DENND1B: variants seen among roughly 807,000 people sequenced by gnomAD.
The protein encoded by DENND1B is DENN domain-containing protein 1B.
Under a neutral mutation model 90.1 loss-of-function variants are expected in DENND1B, and 59 were observed. That is an observed-to-expected ratio of 0.65 (90% CI 0.53 to 0.81). DENND1B has a LOEUF of 0.81. DENND1B is among the 40% of genes least tolerant of loss of function. The pLI, the probability that DENND1B is intolerant of heterozygous loss-of-function variation, is 0.00. For missense variants in DENND1B, 862 were observed against 912.6 expected, an observed-to-expected ratio of 0.94 and a Z score of 0.71; for synonymous variants, 337 against 324.6, an observed-to-expected ratio of 1.04 and a Z score of -0.41.
chr1:197,569,117 T>C (rs1157948207), intron 15 of DENND1B, among the ~76,000 whole-genome samples: 16 of 151,420 alleles, frequency 1.1e-4, no homozygotes, highest in Admixed American at 1.1e-3. Context: ...ATGGGCAAAA[T>C]ATTTGGAAAA....
intron 2 of DENND1B, among the ~76,000 whole-genome samples, chr1:197,745,010 A>G (rs1264010710): frequency 6.6e-6 from 1 of 152,148 alleles, no homozygotes; most frequent in Non-Finnish European, 1.5e-5. Flanking sequence ...CTGCTTCCAC[A>G]TCTCTCTCAG....
chr1:197,750,319 T>A (rs138404470), intron 2 of DENND1B, among the ~76,000 whole-genome samples: 1 of 151,840 alleles, frequency 6.6e-6, no homozygotes, highest in East Asian at 1.9e-4. Context: ...TACAATGTAA[T>A]CCTTAGAGCT....
At chr1:197,627,754 T>C (rs991491331) in intron 10 of DENND1B, among the ~76,000 whole-genome samples, 9 of 152,264 alleles carry the variant, frequency 5.9e-5, no homozygotes, top group African/African-American at 1.4e-4. Context: ...TGTTTGCAGA[T>C]GACATTATTG....
At chr1:197,517,192 TAA>T (rs1668460653) in intron 20 of DENND1B, among the ~76,000 whole-genome samples, 1 of 151,876 alleles carries the variant, frequency 6.6e-6, no homozygotes, top group Non-Finnish European at 1.5e-5. Context: ...GTTTGTGGAT[TAA>T]AGAGATGCTA....
intron 2 of DENND1B, among the ~76,000 whole-genome samples, chr1:197,727,025 T>G (rs1439300652): frequency 6.6e-6 from 1 of 152,252 alleles, no homozygotes; most frequent in Non-Finnish European, 1.5e-5. Context: ...ATTAAATATG[T>G]TGTTTTATTG....
intron 2 of DENND1B, among the ~76,000 whole-genome samples, chr1:197,759,684 A>G (rs1654771207): frequency 7.3e-6 from 1 of 136,800 alleles, no homozygotes; most frequent in Non-Finnish European, 1.5e-5. Flanking sequence ...TGGAGGTTGC[A>G]GTGAGCTGGG....
At chr1:197,693,163 C>T (rs185323780) in intron 3 of DENND1B, among the ~76,000 whole-genome samples, 2 of 151,718 alleles carry the variant, frequency 1.3e-5, no homozygotes, top group Admixed American at 1.3e-4. Context: ...AAAATGACCA[C>T]TAGATTGCAT....
At chr1:197,529,269 T>TATATATGTATATACATAC (rs1491330276) in intron 20 of DENND1B, among the ~76,000 whole-genome samples, 1 of 3,802 alleles carries the variant, frequency 2.6e-4, no homozygotes, top group African/African-American at 4.6e-4. Flanking sequence ...TGTGTGTGTG[T>TATATATGTATATACATAC]ATATGTATAT....
chr1:197,679,772 A>G (rs1360244517), intron 3 of DENND1B, among the ~76,000 whole-genome samples: 1 of 150,660 alleles, frequency 6.6e-6, no homozygotes, highest in Non-Finnish European at 1.5e-5. Flanking sequence ...TTAAAAAATC[A>G]AAGTGTATAT....
At chr1:197,535,574 T>C (rs1198756408) in intron 20 of DENND1B, among the ~76,000 whole-genome samples, 1 of 152,202 alleles carries the variant, frequency 6.6e-6, no homozygotes, top group African/African-American at 2.4e-5. Context: ...ATTTAATATG[T>C]TTTGACCACA....
chr1:197,552,984 T>C (rs1478487324), intron 16 of DENND1B, 38 bp downstream of exon 16: 17 of 1,561,122 alleles, frequency 1.1e-5, no homozygotes, highest in Non-Finnish European at 1.5e-5. Context: ...AAAATTGTTA[T>C]TGAGAAAATG....
intron 2 of DENND1B, among the ~76,000 whole-genome samples, chr1:197,748,762 T>C (rs1653059600): frequency 6.6e-6 from 1 of 152,224 alleles, no homozygotes; most frequent in African/African-American, 2.4e-5. Flanking sequence ...TGAGTACCAT[T>C]TCAGCCTTCT....
At chr1:197,684,245 C>A (rs890537195) in intron 3 of DENND1B, among the ~76,000 whole-genome samples, 4 of 152,104 alleles carry the variant, frequency 2.6e-5, no homozygotes, top group Admixed American at 6.6e-5. Context: ...GTTTCATTCC[C>A]TTTTATGTGT....
chr1:197,750,538 C>A (rs1366332527), intron 2 of DENND1B, among the ~76,000 whole-genome samples: 1 of 150,938 alleles, frequency 6.6e-6, no homozygotes, highest in African/African-American at 2.4e-5. Context: ...TAATTAAAGG[C>A]AATGATTGTT....
At chr1:197,527,171 C>T (rs1669193282) in intron 20 of DENND1B, among the ~76,000 whole-genome samples, 1 of 151,984 alleles carries the variant, frequency 6.6e-6, no homozygotes, top group African/African-American at 2.4e-5. Context: ...TATAATTAGT[C>T]TACATATATC....
chr1:197,542,196 G>A (rs1670382843), intron 18 of DENND1B, among the ~76,000 whole-genome samples: 1 of 152,044 alleles, frequency 6.6e-6, no homozygotes, highest in Non-Finnish European at 1.5e-5. Context: ...AAACCGTTTA[G>A]CCAAATAAAA....
intron 2 of DENND1B, among the ~76,000 whole-genome samples, chr1:197,738,923 G>C (rs1454723205): frequency 6.6e-6 from 1 of 152,176 alleles, no homozygotes; most frequent in Non-Finnish European, 1.5e-5. Flanking sequence ...AGAGCCCAGT[G>C]GTCTTCCTGA....
At chr1:197,576,069 C>T (rs7526846) in intron 15 of DENND1B, among the ~76,000 whole-genome samples, 121,560 of 151,804 alleles carry the variant, frequency 0.8, 48,761 homozygotes, top group East Asian at 0.87. Context: ...ACCCTAGAAC[C>T]TAAAGTATAA....
In DENND1B at chr1:197,732,006, G is replaced by A. The variant is rs75216885; in HGVS notation, c.83-16932C>T. On this transcript the variant is annotated intron_variant, in intron 2 of 22. Coordinates refer to ENST00000620048, the MANE Select transcript of DENND1B (RefSeq NM_001195215.2). ...ATCACTTTATTCATCATTGTAAGGC[G>A]AGATGGAAAAAATGCTGAGATACTG... 9.9e-3 allele frequency among the ~76,000 whole-genome samples: 1,514 copies of A among 152,222 alleles called. 27 individuals are homozygous for A. The highest frequency in any genetic ancestry group is 0.034 in the African/African-American group (1,405 of 41,536).
Sources: gnomAD v4.1 joint callset for allele counts (sites outside exome capture counted in the v4.1 genomes callset) on GRCh38, gnomAD v4.1.1 for gene constraint, MANE v1.5 for transcripts, NCBI Gene and HGNC (gene_info 2026-07-23, HGNC 2026-07-21) for gene names.